The following ARHGAP10 variants were observed in gnomAD, a reference collection of about 807,000 sequenced individuals.
The protein encoded by ARHGAP10 is Rho GTPase activating protein 10.
In ARHGAP10, 87 loss-of-function variants were observed where a neutral mutation model predicts 108.6. The ratio of observed to expected loss-of-function variants is 0.80; its 90% CI spans 0.67 to 0.96. The LOEUF (loss-of-function observed/expected upper bound fraction) is 0.96. Ranked by LOEUF, ARHGAP10 falls within the 40% of genes least tolerant of loss-of-function variation. The pLI is 0.00. For missense variants in ARHGAP10, 939 were observed against 954.5 expected, an observed-to-expected ratio of 0.98 and a Z score of 0.21; for synonymous variants, 347 against 341.1, an observed-to-expected ratio of 1.02 and a Z score of -0.19.
At chr4:147,755,780 T>TGTGG (rs538793593) in intron 1 of ARHGAP10, among the ~76,000 whole-genome samples, 62 of 152,040 alleles carry the variant, frequency 4.1e-4, no homozygotes, top group African/African-American at 1.4e-3. Context: ...GAAGGTGGGG[T>TGTGG]GTGGGTGTGT....
intron 13 of ARHGAP10, among the ~76,000 whole-genome samples, chr4:147,932,741 A>G (rs900328569): frequency 1.3e-5 from 2 of 152,134 alleles, no homozygotes; most frequent in African/African-American, 4.8e-5. Context: ...TGTGCAGCAA[A>G]CCACTATGGC....
intron 1 of ARHGAP10, among the ~76,000 whole-genome samples, chr4:147,786,069 A>G (rs953100074): frequency 1.3e-5 from 2 of 152,154 alleles, no homozygotes; most frequent in African/African-American, 2.4e-5. Flanking sequence ...TTGGTTTCCT[A>G]ATTTCCAGGT....
chr4:147,869,722 C>CA (rs1180943087), intron 7 of ARHGAP10, among the ~76,000 whole-genome samples: 1 of 151,898 alleles, frequency 6.6e-6, no homozygotes, highest in Non-Finnish European at 1.5e-5. Flanking sequence ...TCTTACAACT[C>CA]AGAGTTTCTC....
intron 13 of ARHGAP10, among the ~76,000 whole-genome samples, chr4:147,924,602 A>T (rs1737383020): frequency 6.6e-6 from 1 of 152,192 alleles, no homozygotes; most frequent in East Asian, 1.9e-4. Flanking sequence ...CTTGCTACAG[A>T]GTAGGCATGC....
At chr4:148,025,147 T>C (rs538656490) in intron 19 of ARHGAP10, among the ~76,000 whole-genome samples, 1 of 152,234 alleles carries the variant, frequency 6.6e-6, no homozygotes, top group Non-Finnish European at 1.5e-5. Context: ...GCATATCTCT[T>C]ATGGGAACAC....
intron 7 of ARHGAP10, among the ~76,000 whole-genome samples, chr4:147,872,885 T>C (rs906344576): frequency 1.1e-4 from 16 of 152,180 alleles, no homozygotes; most frequent in African/African-American, 3.6e-4. Flanking sequence ...CAAGCCTGTG[T>C]TAAGGCTCAG....
At chr4:147,937,326 G>C (rs1737993114) in intron 13 of ARHGAP10, among the ~76,000 whole-genome samples, 1 of 151,964 alleles carries the variant, frequency 6.6e-6, no homozygotes, top group Non-Finnish European at 1.5e-5. Context: ...CTTCTTACAA[G>C]GCCTCCAGTC....
chr4:148,051,608 C>T (rs1729142920), intron 20 of ARHGAP10, among the ~76,000 whole-genome samples: 6 of 152,220 alleles, frequency 3.9e-5, no homozygotes, highest in Admixed American at 3.9e-4. Context: ...CCCTGAGATG[C>T]ATCTCACTGT....
rs1735349863 is a variant in ARHGAP10 at position 147,882,026 on chromosome 4, C to T, written c.1034+94C>T. Reference sequence around the variant, plus strand: ...TTAGTTGCAACTGTGATTTCTGTGGCCTGGGAGAATGTTATCTTGCTATAT... The same window carrying T: ...TTAGTTGCAACTGTGATTTCTGTGGTCTGGGAGAATGTTATCTTGCTATAT... On this transcript the variant is annotated intron_variant, in intron 10 of 22. Coordinates refer to ENST00000336498, the MANE Select transcript of ARHGAP10 (RefSeq NM_024605.4). 4.4e-6 allele frequency: 5 copies of T among 1,142,698 alleles called. No homozygotes were observed. The Admixed American group carries it at 7.5e-5, about 17-fold the overall frequency. The allele number at this position is 1,142,698 out of a possible 1,614,324, so 70.8% of individuals were successfully genotyped here.
intron 1 of ARHGAP10, among the ~76,000 whole-genome samples, chr4:147,764,839 A>G (rs1293007343): frequency 6.6e-6 from 1 of 152,182 alleles, no homozygotes; most frequent in African/African-American, 2.4e-5. Flanking sequence ...CCAGCCCAGT[A>G]AACATTTATT....
intron 1 of ARHGAP10, among the ~76,000 whole-genome samples, chr4:147,739,538 TC>T (rs1316999795): frequency 1.3e-5 from 2 of 152,086 alleles, no homozygotes; most frequent in African/African-American, 4.8e-5. Flanking sequence ...ATGCTGGAAA[TC>T]CTAACAGCTT....
intron 18 of ARHGAP10, among the ~76,000 whole-genome samples, chr4:147,981,907 G>A (rs1385815168): frequency 1.3e-5 from 2 of 152,104 alleles, no homozygotes; most frequent in African/African-American, 4.8e-5. Flanking sequence ...GATTCCATTT[G>A]TGTGGTAGAT....
At chr4:147,923,732 T>G (rs1245226716) in intron 13 of ARHGAP10, among the ~76,000 whole-genome samples, 3 of 152,228 alleles carry the variant, frequency 2.0e-5, no homozygotes, top group Non-Finnish European at 4.4e-5. Flanking sequence ...TTGGAAAACC[T>G]TACCGCTTGA....
In ARHGAP10 at chr4:147,799,007, C is replaced by A. The variant is rs980791187; in HGVS notation, c.155-23720C>A. On this transcript the variant is annotated intron_variant, in intron 1 of 22. Transcript: ENST00000336498. ...CTAGTTATTGATGTTTACCATTGAT[C>A]CTAGCCTTGGCCTGAATTTCTTTTT... is the stretch of plus-strand genomic sequence containing the variant. 2.6e-5 allele frequency among the ~76,000 whole-genome samples: 4 copies of A among 151,260 alleles called. No homozygotes were observed. In the South Asian group the frequency reaches 8.3e-4, roughly 31 times the overall value.
At chr4:147,944,476 T>C (rs1038237516) in intron 14 of ARHGAP10, among the ~76,000 whole-genome samples, 2 of 152,262 alleles carry the variant, frequency 1.3e-5, no homozygotes, top group Non-Finnish European at 2.9e-5. Flanking sequence ...CTTCCTGTTT[T>C]ACTTTATCTT....
chr4:147,982,489 C>G (rs187074366), intron 18 of ARHGAP10, among the ~76,000 whole-genome samples: 3 of 146,612 alleles, frequency 2.0e-5, no homozygotes, highest in East Asian at 4.1e-4. Flanking sequence ...CCTCCCATGT[C>G]AGCTTCCTAA....
intron 1 of ARHGAP10, among the ~76,000 whole-genome samples, chr4:147,792,071 G>A (rs987817000): frequency 3.3e-5 from 5 of 152,224 alleles, no homozygotes; most frequent in African/African-American, 4.8e-5. Context: ...GCACGTGAGC[G>A]TCTTTCACTC....
intron 8 of ARHGAP10, among the ~76,000 whole-genome samples, chr4:147,877,002 C>T (rs1038424359): frequency 2.6e-5 from 4 of 152,236 alleles, no homozygotes; most frequent in South Asian, 2.1e-4. Flanking sequence ...AATTGCTTGG[C>T]GCTTGAACAG....
At chr4:147,818,727 T>C (rs1579079983) in intron 1 of ARHGAP10, among the ~76,000 whole-genome samples, 2 of 152,212 alleles carry the variant, frequency 1.3e-5, no homozygotes, top group South Asian at 4.1e-4. Flanking sequence ...TTTAATGGAC[T>C]GCATTAAGTT....
Sources: gnomAD v4.1 joint callset for allele counts (sites outside exome capture counted in the v4.1 genomes callset) on GRCh38, gnomAD v4.1.1 for gene constraint, MANE v1.5 for transcripts, NCBI Gene and HGNC (gene_info 2026-07-23, HGNC 2026-07-21) for gene names.